The following FAM193A variants were observed in gnomAD, a reference collection of about 807,000 sequenced individuals.
FAM193A encodes the protein family with sequence similarity 193 member A.
In FAM193A, 22 loss-of-function variants were observed where a neutral mutation model predicts 126.5. The observed-to-expected ratio is 0.17, with a 90% CI of 0.12 to 0.25. The LOEUF is 0.25. FAM193A is among the 10% of genes least tolerant of loss of function. The pLI, the probability that FAM193A is intolerant of heterozygous loss-of-function variation, is 1.00. For missense variants in FAM193A, 1,675 were observed against 1,672.8 expected, an observed-to-expected ratio of 1.00 and a Z score of -0.02; for synonymous variants, 761 against 646.8, an observed-to-expected ratio of 1.18 and a Z score of -2.68.
chr4:2,727,431 C>G (rs9762293), intron 20 of FAM193A, among the ~76,000 whole-genome samples: 49,253 of 152,084 alleles, frequency 0.32, 9,425 homozygotes, highest in Admixed American at 0.51. Context: ...CAGTCTCTCA[C>G]TCTGTCATCC....
chr4:2,575,982 A>G (rs529102984), intron 1 of FAM193A, among the ~76,000 whole-genome samples: 1 of 152,294 alleles, frequency 6.6e-6, no homozygotes, highest in South Asian at 2.1e-4. Context: ...TTAGACAACA[A>G]TGAGGGATGC....
chr4:2,676,627 G>A (rs1007440492), intron 13 of FAM193A, among the ~76,000 whole-genome samples: 7 of 152,110 alleles, frequency 4.6e-5, no homozygotes, highest in Admixed American at 3.3e-4. Context: ...TCTGTCGATA[G>A]TGTCTGTTGA....
At chr4:2,702,371 G>T (rs970099597) in intron 19 of FAM193A, among the ~76,000 whole-genome samples, 1 of 152,056 alleles carries the variant, frequency 6.6e-6, no homozygotes, top group African/African-American at 2.4e-5. Flanking sequence ...TCGATGCTCC[G>T]GGCTCATCTC....
At chr4:2,581,675 T>C (rs1000106789) in intron 1 of FAM193A, among the ~76,000 whole-genome samples, 1 of 152,098 alleles carries the variant, frequency 6.6e-6, no homozygotes, top group African/African-American at 2.4e-5. Context: ...AGACGGAGTC[T>C]CGCTCTGTCT....
At chr4:2,707,930 A>G (rs1718492884) in intron 19 of FAM193A, among the ~76,000 whole-genome samples, 1 of 151,978 alleles carries the variant, frequency 6.6e-6, no homozygotes, top group Non-Finnish European at 1.5e-5. Flanking sequence ...TTGTATTTTT[A>G]GTAGAGACCA....
chr4:2,563,009 A>G lies in FAM193A; in HGVS notation c.255+25839A>G, dbSNP rs141719560. Reference sequence around the variant, plus strand: ...GCCCAGGCTGGAGTGCAGTGGTGCAATCTTAGCTCACTGCAACCTCTGCCT... The same window carrying G: ...GCCCAGGCTGGAGTGCAGTGGTGCAGTCTTAGCTCACTGCAACCTCTGCCT... On this transcript the variant is annotated intron_variant, in intron 1 of 20. Coordinates refer to ENST00000637812, the MANE Select transcript of FAM193A (RefSeq NM_001366318.2). Among the ~76,000 whole-genome samples the G allele has an allele frequency of 7.1e-3, 1,076 of 151,620 alleles. 17 individuals carry two copies. Among genetic ancestry groups the G allele is most frequent in the African/African-American group, 0.025 (1,028 of 41,296 alleles).
At chr4:2,716,487 C>T (rs965691177) in intron 20 of FAM193A, among the ~76,000 whole-genome samples, 7 of 152,130 alleles carry the variant, frequency 4.6e-5, no homozygotes, top group Non-Finnish European at 2.9e-5. Flanking sequence ...GGGAAGGGGC[C>T]GGCATCTACG....
At chr4:2,714,853 C>T (rs1719369088) in intron 19 of FAM193A, among the ~76,000 whole-genome samples, 1 of 152,170 alleles carries the variant, frequency 6.6e-6, no homozygotes, top group African/African-American at 2.4e-5. Context: ...ATGTCAGTGG[C>T]TCCTGTCCTC....
At chr4:2,615,265 T>C (rs566472255) in intron 2 of FAM193A, 2 of 152,332 alleles carry the variant, frequency 1.3e-5, no homozygotes, top group Non-Finnish European at 2.9e-5. Flanking sequence ...CAGCTTGTTT[T>C]GGTTTCTTAA....
In FAM193A at chr4:2,600,745, C is replaced by T. The variant is rs79688252; in HGVS notation, c.501+4416C>T. 2.8e-3 allele frequency among the ~76,000 whole-genome samples: 430 copies of T among 152,302 alleles called. 1 individual carries two copies. The highest frequency in any genetic ancestry group is 7.8e-3 in the African/African-American group (323 of 41,556). On this transcript the variant is annotated intron_variant, in intron 2 of 20. Coordinates refer to ENST00000637812, the MANE Select transcript of FAM193A (RefSeq NM_001366318.2). Reference sequence around the variant, plus strand: ...GGTGCCCATCTGTTTTCATCTTCTTCAAGACTTTGTCGCTTTGATTATTGT... The same window carrying T: ...GGTGCCCATCTGTTTTCATCTTCTTTAAGACTTTGTCGCTTTGATTATTGT...
intron 20 of FAM193A, among the ~76,000 whole-genome samples, chr4:2,719,512 C>G (rs60108859): frequency 0.46 from 69,345 of 151,932 alleles, 16,194 homozygotes; most frequent in Admixed American, 0.59. Context: ...TTGGGAGGCC[C>G]AGGCGGGCGG....
intron 19 of FAM193A, among the ~76,000 whole-genome samples, chr4:2,703,453 G>A (rs917989909): frequency 6.6e-6 from 1 of 152,126 alleles, no homozygotes; most frequent in African/African-American, 2.4e-5. Context: ...CACCATGTTG[G>A]CCAGATTGGC....
At chr4:2,606,727 A>G (rs920250175) in intron 2 of FAM193A, among the ~76,000 whole-genome samples, 1 of 152,208 alleles carries the variant, frequency 6.6e-6, no homozygotes, top group African/African-American at 2.4e-5. Flanking sequence ...AATACTTTTC[A>G]TCATTATTTT....
intron 6 of FAM193A, among the ~76,000 whole-genome samples, chr4:2,645,733 G>C (rs749749212): frequency 2.0e-5 from 3 of 152,034 alleles, no homozygotes; most frequent in Non-Finnish European, 4.4e-5. Flanking sequence ...CTCCATGTTG[G>C]CCAGGCTGGT....
chr4:2,673,280 G>A (rs1176136262), intron 13 of FAM193A, among the ~76,000 whole-genome samples: 1 of 152,146 alleles, frequency 6.6e-6, no homozygotes, highest in Non-Finnish European at 1.5e-5. Context: ...GAACAGAAAG[G>A]GAGGAGGACA....
At position 2,689,679 on chromosome 4, in the gene FAM193A, C is replaced by G; in HGVS notation, c.2505C>G (p.Gly835=). 1 of 1,569,298 alleles carries G rather than the reference C, an allele frequency of 6.4e-7. No individual in the cohort carries two copies. Among genetic ancestry groups the G allele is most frequent in the Non-Finnish European group, 8.6e-7 (1 of 1,165,730 alleles). ...TGAATGATAAGAACTGGAATCCTGGCACTTTCTTGCCAGATACAATTTCTG... is the reference window on the plus strand; with the variant it reads ...TGAATGATAAGAACTGGAATCCTGGGACTTTCTTGCCAGATACAATTTCTG... ...EVMNDKNWNP[G]TFLPDTISGS... is the part of the protein sequence containing the mutation. The change falls in exon 14 of 21, where the codon GGC becomes GGG. Residue 835 remains glycine, a synonymous_variant. Transcript: ENST00000637812.
intron 13 of FAM193A, among the ~76,000 whole-genome samples, chr4:2,681,567 C>T (rs187191693): frequency 8.1e-4 from 123 of 152,198 alleles, no homozygotes; most frequent in African/African-American, 2.9e-3. Context: ...CCTCCTGACC[C>T]ATAGTCTCGT....
intron 1 of FAM193A, among the ~76,000 whole-genome samples, chr4:2,593,291 C>G (rs970536054): frequency 2.0e-5 from 3 of 152,158 alleles, no homozygotes; most frequent in Non-Finnish European, 4.4e-5. Context: ...CATCCCATCT[C>G]TCTCTGCACG....
intron 4 of FAM193A, 46 bp downstream of exon 4, chr4:2,626,623 C>T (rs1236422297): frequency 1.0e-5 from 7 of 668,386 alleles, no homozygotes; most frequent in Non-Finnish European, 1.7e-5. Flanking sequence ...AACCCCTGCC[C>T]TCCCTGCTGC....
Sources: allele counts gnomAD v4.1 joint callset (sites outside exome capture counted in the v4.1 genomes callset), GRCh38; gene constraint gnomAD v4.1.1; transcripts MANE v1.5; gene names NCBI Gene and HGNC (gene_info 2026-07-23, HGNC 2026-07-21).